INPP5A: variants seen among roughly 807,000 people sequenced by gnomAD.
The protein encoded by INPP5A is inositol polyphosphate-5-phosphatase A.
In INPP5A, 14 loss-of-function variants were observed where a neutral mutation model predicts 65.2. That is an observed-to-expected ratio of 0.21 (90% CI 0.14 to 0.34). The LOEUF (loss-of-function observed/expected upper bound fraction) is 0.34. Among genes scored for constraint, INPP5A ranks in the 10% least tolerant of loss-of-function variants. The pLI is 1.00. For missense variants in INPP5A, 431 were observed against 545.6 expected (o/e 0.79, Z 2.09); for synonymous variants, 207 against 208.3 (o/e 0.99, Z 0.05).
chr10:132,655,671 G>A (rs563838865), intron 4 of INPP5A, among the ~76,000 whole-genome samples: 21 of 152,306 alleles, frequency 1.4e-4, no homozygotes, highest in Middle Eastern at 6.8e-3. Flanking sequence ...GAGCCCTGCA[G>A]TGGGAGGGGT....
intron 8 of INPP5A, among the ~76,000 whole-genome samples, chr10:132,724,295 C>T (rs561723564): frequency 7.2e-5 from 11 of 152,308 alleles, no homozygotes; most frequent in African/African-American, 9.6e-5. Context: ...ATCAATTGAC[C>T]GTCCGCTTGG....
At chr10:132,539,270 G>C (rs1331830100) in intron 1 of INPP5A, among the ~76,000 whole-genome samples, 3 of 152,234 alleles carry the variant, frequency 2.0e-5, no homozygotes, top group Non-Finnish European at 4.4e-5. Context: ...TGCAGGGCCA[G>C]AGGGTAGGGT....
chr10:132,611,222 T>A (rs1322553539), intron 2 of INPP5A, among the ~76,000 whole-genome samples: 1 of 92,924 alleles, frequency 1.1e-5, no homozygotes, highest in African/African-American at 4.3e-5. Flanking sequence ...GAGAGGCCTG[T>A]CAGAGGAGGA....
chr10:132,680,109 C>T (rs1298667233), intron 4 of INPP5A, among the ~76,000 whole-genome samples: 4 of 152,212 alleles, frequency 2.6e-5, no homozygotes, highest in Non-Finnish European at 2.9e-5. Flanking sequence ...AATTGGACTG[C>T]ATTAAAACAC....
chr10:132,667,240 C>T (rs1176329706), intron 4 of INPP5A, among the ~76,000 whole-genome samples: 6 of 152,172 alleles, frequency 3.9e-5, no homozygotes, highest in Non-Finnish European at 7.3e-5. Flanking sequence ...GGTTGGAGCT[C>T]GGCTGTTTAA....
intron 4 of INPP5A, among the ~76,000 whole-genome samples, chr10:132,683,351 G>A (rs538515851): frequency 8.6e-5 from 13 of 151,356 alleles, no homozygotes; most frequent in African/African-American, 2.7e-4. Flanking sequence ...GGCCATCTGT[G>A]TATTATATAC....
intron 1 of INPP5A, among the ~76,000 whole-genome samples, chr10:132,579,211 G>C (rs1180664063): frequency 6.6e-6 from 1 of 151,450 alleles, no homozygotes; most frequent in Non-Finnish European, 1.5e-5. Context: ...AGGAGAGTGT[G>C]GGGGGAGGTG....
In INPP5A at chr10:132,727,168, G is replaced by A. The variant is rs55969099; in HGVS notation, c.732+263G>A. 0.054 allele frequency: 17,912 copies of A among 333,374 alleles called. 704 individuals are homozygous for A. The highest frequency in any genetic ancestry group is 0.084 in the Middle Eastern group (98 of 1,162). The allele number at this position is 333,374 out of a possible 1,614,324, so 20.7% of individuals were successfully genotyped here. A position where few individuals can be genotyped will look rare whatever the true frequency, so the allele number is the denominator to read the frequency against. ...GGGGCTTTGCCCTGTGGCTTCCGCC[G>A]TCGGCACACAAGGAGCTGCTGGAGT... is the stretch of plus-strand genomic sequence containing the variant. On this transcript the variant is annotated intron_variant, in intron 9 of 15. Coordinates refer to ENST00000368594, the MANE Select transcript of INPP5A (RefSeq NM_005539.5). This position sits in a 1 kb window ranked among gnomAD's most constrained non-coding sequence, Gnocchi z 6.5.
intron 9 of INPP5A, among the ~76,000 whole-genome samples, chr10:132,730,993 A>G (rs1846074688): frequency 6.6e-6 from 1 of 152,318 alleles, no homozygotes; most frequent in Admixed American, 6.5e-5. Context: ...CGGGGGAGGA[A>G]CATTCCCGTG....
intron 2 of INPP5A, among the ~76,000 whole-genome samples, chr10:132,621,029 A>G (rs1388792540): frequency 6.6e-6 from 1 of 152,250 alleles, no homozygotes; most frequent in African/African-American, 2.4e-5. Flanking sequence ...CCATATGATC[A>G]TCTCAGTAGA....
intron 8 of INPP5A, 116 bp from the exon 9 acceptor site, chr10:132,726,705 C>A (rs1438813628): frequency 1.4e-6 from 1 of 717,986 alleles, no homozygotes; most frequent in Non-Finnish European, 2.3e-6. Context: ...GGTTCCCCTG[C>A]AGCAGGTGAC....
chr10:132,650,547 G>T lies in INPP5A; in HGVS notation c.306+42G>T, dbSNP rs1400881922. 1 of 1,432,538 alleles carries T rather than the reference G, an allele frequency of 7.0e-7. No individual in the cohort carries two copies. The highest frequency in any genetic ancestry group is 9.8e-7 in the Non-Finnish European group (1 of 1,018,132). 88.7% of individuals were successfully genotyped at this position (1,432,538 alleles called of 1,614,324 possible). A position where few individuals can be genotyped will look rare whatever the true frequency, so the allele number is the denominator to read the frequency against. The stretch of plus-strand genomic sequence containing the variant: ...GCCTGGTGCAGGGGTCAGACAGGCT[G>T]GCCTTGGCAGAAGCCAGCCCTTCTC... On this transcript the variant is annotated intron_variant, in intron 4 of 15. Coordinates refer to ENST00000368594, the MANE Select transcript of INPP5A (RefSeq NM_005539.5). This position sits in a 1 kb window ranked among gnomAD's most constrained non-coding sequence, Gnocchi z 5.5.
chr10:132,590,165 C>T (rs2071601317), intron 1 of INPP5A, among the ~76,000 whole-genome samples: 1 of 152,150 alleles, frequency 6.6e-6, no homozygotes. Context: ...GCGAGGGACG[C>T]CAGGGATGCG....
chr10:132,715,341 T>G (rs910730194), intron 8 of INPP5A, among the ~76,000 whole-genome samples: 1 of 152,230 alleles, frequency 6.6e-6, no homozygotes, highest in African/African-American at 2.4e-5. Flanking sequence ...CCCCATTATT[T>G]TCTCACAAAT....
At chr10:132,720,739 C>G (rs917379584) in intron 8 of INPP5A, among the ~76,000 whole-genome samples, 1 of 149,020 alleles carries the variant, frequency 6.7e-6, no homozygotes, top group Non-Finnish European at 1.5e-5. Flanking sequence ...TGAGTTCTGT[C>G]TGGGCGCCTT....
At chr10:132,731,429 G>A (rs922765561) in intron 9 of INPP5A, among the ~76,000 whole-genome samples, 3 of 151,896 alleles carry the variant, frequency 2.0e-5, no homozygotes, top group Non-Finnish European at 4.4e-5. Context: ...CGTATCAGAC[G>A]CCCCTGGGAG....
intron 4 of INPP5A, among the ~76,000 whole-genome samples, chr10:132,670,763 A>G (rs1233464029): frequency 6.6e-6 from 1 of 150,636 alleles, no homozygotes; most frequent in African/African-American, 2.4e-5. Flanking sequence ...TTTCCCTCTT[A>G]GGGAAGAAGC....
At chr10:132,573,366 G>A (rs2071374257) in intron 1 of INPP5A, among the ~76,000 whole-genome samples, 2 of 140,072 alleles carry the variant, frequency 1.4e-5, no homozygotes, top group Non-Finnish European at 1.5e-5. Context: ...GTTGAGGTGT[G>A]TGTGCCGTGT....
In INPP5A at chr10:132,727,097, TGCG is replaced by T. The variant is rs1197756151; in HGVS notation, c.732+193_732+195del. 4.5e-6 allele frequency: 2 copies of T among 444,860 alleles called. No individual in the cohort carries two copies. Among genetic ancestry groups the T allele is most frequent in the Admixed American group, 3.9e-5 (1 of 25,322 alleles). The allele number at this position is 444,860 out of a possible 1,614,324, so 27.6% of individuals were successfully genotyped here. On this transcript the variant is annotated intron_variant, in intron 9 of 15. Coordinates refer to ENST00000368594, the MANE Select transcript of INPP5A (RefSeq NM_005539.5). This position sits in a 1 kb window ranked among gnomAD's most constrained non-coding sequence, Gnocchi z 6.5. ...GAGGGATCCGTGTTGGAATCCGGGGTGCGCGGGCCCTCAAGGTTGCCCCGGATG... is the reference window on the plus strand; with the variant it reads ...GAGGGATCCGTGTTGGAATCCGGGGTCGGGCCCTCAAGGTTGCCCCGGATG...
Sources: gnomAD v4.1 joint callset for allele counts (sites outside exome capture counted in the v4.1 genomes callset) on GRCh38, gnomAD v4.1.1 for gene constraint, Gnocchi (gnomAD v3.1) non-coding constraint, MANE v1.5 for transcripts, NCBI Gene and HGNC (gene_info 2026-07-23, HGNC 2026-07-21) for gene names.